Variants in KRTAP12-2 observed in about 807,000 individuals in gnomAD.
The protein encoded by KRTAP12-2 is keratin associated protein 12-2, also known as keratin-associated protein 12-2.
For missense variants in KRTAP12-2, 166 were observed against 184.2 expected, an observed-to-expected ratio of 0.90 and a Z score of 0.57; for synonymous variants, 73 against 83.9, an observed-to-expected ratio of 0.87 and a Z score of 0.71.
rs782182133 is a variant in KRTAP12-2, at chr21:44,666,461, G to A, written c.426C>T (p.Ile142=). 6 of 1,587,188 alleles carry A rather than the reference G, an allele frequency of 3.8e-6. No individual in the cohort carries two copies. The Admixed American group carries it at 1.0e-4, about 27-fold the overall frequency. The change falls in exon 1 of 1, where the codon ATC becomes ATT. Residue 142 remains isoleucine, a synonymous_variant. Transcript: ENST00000360770. ...AGATTCATGCTCAGCAGCAGGAAGA[G>A]ATACTGTAGGAGATGGGTCTGCAGA... The part of the protein sequence containing the change: ...SVLCRPISYS[I]SSCC
At position 44,666,588 on chromosome 21, in the gene KRTAP12-2, C is replaced by A. The variant is rs375768219; in HGVS notation, c.299G>T (p.Cys100Phe). Residue 100 changes from cysteine to phenylalanine, a missense_variant, in exon 1 of 1, where the codon TGC becomes TTC. By Grantham distance (205) the Cys-to-Phe change is radical. Coordinates refer to ENST00000360770, the MANE Select transcript of KRTAP12-2 (RefSeq NM_181684.3). ...CRPIVCAAPS[C>F]QSSLCVPVSC... The stretch of plus-strand genomic sequence containing the variant: ...CACAGGCACGCACAGGGAGGACTGG[C>A]AGGAGGGGGCTGCACACACAATGGG... 6.2e-7 allele frequency: 1 copy of A among 1,612,714 alleles called. No individual in the cohort carries two copies. The highest frequency in any genetic ancestry group is 1.3e-5 in the African/African-American group (1 of 74,842).
Position 44,666,266 on chromosome 21 carries a change from TG to T in KRTAP12-2, c.*179del. 1 of 760,196 alleles carries T rather than the reference TG, an allele frequency of 1.3e-6. No individual in the cohort carries two copies. The allele number at this position is 760,196 out of a possible 1,614,324, so 47.1% of individuals were successfully genotyped here. A position where few individuals can be genotyped will look rare whatever the true frequency, so the allele number is the denominator to read the frequency against. On this transcript the variant is annotated 3_prime_UTR_variant, in exon 1 of 1. Coordinates refer to ENST00000360770, the MANE Select transcript of KRTAP12-2 (RefSeq NM_181684.3). ...GGGACCCCAGACTTCCCTGGGGGGA[TG>T]GGCAAGGTCAGCAAGGGCTCCAGAT...
At position 44,666,326 on chromosome 21, in the gene KRTAP12-2, G is replaced by C; in HGVS notation, c.*120C>G. 8.5e-7 allele frequency: 1 copy of C among 1,176,036 alleles called. No individual in the cohort carries two copies. Among genetic ancestry groups the C allele is most frequent in the Admixed American group, 2.4e-5 (1 of 42,488 alleles). 72.9% of individuals were successfully genotyped at this position (1,176,036 alleles called of 1,614,324 possible). The stretch of plus-strand genomic sequence containing the variant: ...CACATTCTCAATCCAGAATTCAGAG[G>C]GTTCAACTGAGCATGCTTTTCACCT... On this transcript the variant is annotated 3_prime_UTR_variant, in exon 1 of 1. Transcript: ENST00000360770.
Position 44,666,898 on chromosome 21 carries a change from G to C in KRTAP12-2, c.-12C>G. The C allele has an allele frequency of 6.2e-7, 1 of 1,611,978 alleles. No homozygotes were observed. Among genetic ancestry groups the C allele is most frequent in the Non-Finnish European group, 8.5e-7 (1 of 1,178,652 alleles). On this transcript the variant is annotated 5_prime_UTR_variant, in exon 1 of 1. Transcript: ENST00000360770. ...CTGGTATGACACATGGTGGCGTGTG[G>C]CTGGATAAGGTCGAGGCAGAGGGCA...
rs782355775 is a variant in KRTAP12-2 at position 44,666,577 on chromosome 21, G to C, written c.310C>G (p.Leu104Val). Residue 104 changes from leucine to valine, a missense_variant, in exon 1 of 1, where the codon CTG (leucine) becomes GTG (valine). Coordinates refer to ENST00000360770, the MANE Select transcript of KRTAP12-2 (RefSeq NM_181684.3). ...GGCCTGCAGCTCACAGGCACGCACA[G>C]GGAGGACTGGCAGGAGGGGGCTGCA... ...VCAAPSCQSS[L>V]CVPVSCRPVV... The C allele has an allele frequency of 1.9e-6, 3 of 1,601,638 alleles. No homozygotes were observed. Among genetic ancestry groups the C allele is most frequent in the Non-Finnish European group, 2.6e-6 (3 of 1,170,618 alleles).
the KRTAP12-2 span, chr21:44,666,792 GC>G: frequency 6.2e-7 from 1 of 1,611,992 alleles, no homozygotes; most frequent in Admixed American, 1.7e-5. Context: ...ACAGCAGGAT[GC>G]CTGGCAGGAG....
Position 44,666,252 on chromosome 21 carries a change from C to T in KRTAP12-2, c.*194G>A. On this transcript the variant is annotated 3_prime_UTR_variant, in exon 1 of 1. Transcript: ENST00000360770. ...CAGAGAATGACTCTGGGACCCCAGA[C>T]TTCCCTGGGGGGATGGGCAAGGTCA... 3.0e-6 allele frequency: 2 copies of T among 664,990 alleles called. No homozygotes were observed. The highest frequency in any genetic ancestry group is 2.8e-5 in the East Asian group (1 of 35,478). 41.2% of individuals were successfully genotyped at this position (664,990 alleles called of 1,614,324 possible). A position where few individuals can be genotyped will look rare whatever the true frequency, so the allele number is the denominator to read the frequency against.
rs200595125 is a variant in KRTAP12-2 at position 44,666,819 on chromosome 21, G to C, written c.68C>G (p.Ala23Gly). The change falls in exon 1 of 1, where the codon GCC becomes GGC. Residue 23 changes from alanine (A) to glycine (G), a missense_variant. Ala to Gly is a moderately conservative substitution (Grantham distance 60). Coordinates refer to ENST00000360770, the MANE Select transcript of KRTAP12-2 (RefSeq NM_181684.3). ...ACCAPSPCQP[A>G]CCVPSSCQAS... ...CTGGCAGGAGCTGGGCACACAACAG[G>C]CTGGCTGGCAGGGGCTGGGCGCGCA... 2 of 1,609,628 alleles carry C rather than the reference G, an allele frequency of 1.2e-6. No individual in the cohort carries two copies. The highest frequency in any genetic ancestry group is 2.7e-5 in the African/African-American group (2 of 74,936).
At position 44,666,440 on chromosome 21, in the gene KRTAP12-2, T is replaced by C; in HGVS notation, c.*6A>G. ...CACTGGGAGCAGCGGGTCTGGAGAT[T>C]CATGCTCAGCAGCAGGAAGAGATAC... is the stretch of plus-strand genomic sequence containing the variant. On this transcript the variant is annotated 3_prime_UTR_variant, in exon 1 of 1. Coordinates refer to ENST00000360770, the MANE Select transcript of KRTAP12-2 (RefSeq NM_181684.3). The C allele has an allele frequency of 6.4e-7, 1 of 1,571,208 alleles. No homozygotes were observed. The highest frequency in any genetic ancestry group is 8.6e-7 in the Non-Finnish European group (1 of 1,156,656).
In KRTAP12-2 at chr21:44,666,792, G is replaced by A. The variant is rs781834499; in HGVS notation, c.95C>T (p.Ala32Val). ...PACCVPSSCQ[A>V]SCCVPVGCQS... ...GCAGCCCACAGGCACACAGCAGGATGCCTGGCAGGAGCTGGGCACACAACA... is the reference window on the plus strand; with the variant it reads ...GCAGCCCACAGGCACACAGCAGGATACCTGGCAGGAGCTGGGCACACAACA... The change falls in exon 1 of 1, where the codon GCA becomes GTA. Residue 32 changes from alanine (A) to valine (V), a missense_variant. By Grantham distance (64) the Ala-to-Val change is moderately conservative. Coordinates refer to ENST00000360770, the MANE Select transcript of KRTAP12-2 (RefSeq NM_181684.3). 2 of 1,611,992 alleles carry A rather than the reference G, an allele frequency of 1.2e-6. No individual in the cohort carries two copies. The highest frequency in any genetic ancestry group is 1.7e-5 in the Admixed American group (1 of 59,882).
Position 44,666,213 on chromosome 21 carries a change from G to A in KRTAP12-2, c.*233C>T, listed in dbSNP as rs587698717. On this transcript the variant is annotated 3_prime_UTR_variant, in exon 1 of 1. Transcript: ENST00000360770. ...CTGCATGGGGAAAGCTGGTTTATTT[G>A]GCTCTCATGGGGTCAGAGAATGACT... 10 of 514,864 alleles carry A rather than the reference G, an allele frequency of 1.9e-5. No homozygotes were observed. The South Asian group carries it at 2.8e-4, about 15-fold the overall frequency. 31.9% of individuals were successfully genotyped at this position (514,864 alleles called of 1,614,324 possible).
At position 44,666,818 on chromosome 21, in the gene KRTAP12-2, G is replaced by C. The variant is rs370193293; in HGVS notation, c.69C>G (p.Ala23=). 75 of 1,609,618 alleles carry C rather than the reference G, an allele frequency of 4.7e-5. No homozygotes were observed. In the South Asian group the frequency reaches 4.9e-4, roughly 10 times the overall value. The stretch of plus-strand genomic sequence containing the variant: ...CCTGGCAGGAGCTGGGCACACAACA[G>C]GCTGGCTGGCAGGGGCTGGGCGCGC... ...ACCAPSPCQP[A]CCVPSSCQAS... Residue 23 remains alanine (A), a synonymous_variant, in exon 1 of 1, where the codon GCC becomes GCG. Coordinates refer to ENST00000360770, the MANE Select transcript of KRTAP12-2 (RefSeq NM_181684.3).
In KRTAP12-2 at chr21:44,666,582, G is replaced by A. The variant is rs1356011456; in HGVS notation, c.305C>T (p.Ser102Phe). The A allele has an allele frequency of 6.2e-7, 1 of 1,612,574 alleles. No homozygotes were observed. The highest frequency in any genetic ancestry group is 8.5e-7 in the Non-Finnish European group (1 of 1,178,834). ...GCAGCTCACAGGCACGCACAGGGAG[G>A]ACTGGCAGGAGGGGGCTGCACACAC... is the stretch of plus-strand genomic sequence containing the variant. ...PIVCAAPSCQ[S>F]SLCVPVSCRP... is the part of the protein sequence containing the mutation. Residue 102 changes from serine to phenylalanine, a missense_variant, in exon 1 of 1, where the codon TCC (serine) becomes TTC (phenylalanine). Coordinates refer to ENST00000360770, the MANE Select transcript of KRTAP12-2 (RefSeq NM_181684.3).
chr21:44,666,746 G>A lies in KRTAP12-2; in HGVS notation c.141C>T (p.Pro47=), dbSNP rs369634827. 1.6e-4 allele frequency: 258 copies of A among 1,613,694 alleles called. No homozygotes were observed. The highest frequency in any genetic ancestry group is 2.1e-4 in the Non-Finnish European group (249 of 1,179,880). ...GGCACACGGCTGGCTTGAAGCTCAC[G>A]GGCACACACACGGAGGACTGGCAGC... is the stretch of plus-strand genomic sequence containing the variant. The part of the protein sequence containing the change: ...PVGCQSSVCV[P]VSFKPAVCLP... The change falls in exon 1 of 1, where the codon CCC becomes CCT. Residue 47 remains proline, a synonymous_variant. Coordinates refer to ENST00000360770, the MANE Select transcript of KRTAP12-2 (RefSeq NM_181684.3).
rs1985782746 is a variant in KRTAP12-2 at position 44,666,639 on chromosome 21, G to C, written c.248C>G (p.Ser83Cys). 1 of 1,613,370 alleles carries C rather than the reference G, an allele frequency of 6.2e-7. No homozygotes were observed. Among genetic ancestry groups the C allele is most frequent in the Admixed American group, 1.7e-5 (1 of 60,010 alleles). ...AVCVPVSCQS[S>C]VCVPVSCRPI... ...CCTGCAGCTCACAGGCACACACACA[G>C]AAGACTGGCAGCTCACGGGCACGCA... Residue 83 changes from serine (S) to cysteine (C), a missense_variant, in exon 1 of 1, where the codon TCT becomes TGT. Coordinates refer to ENST00000360770, the MANE Select transcript of KRTAP12-2 (RefSeq NM_181684.3).
In KRTAP12-2 at chr21:44,666,774, A is replaced by G. The variant is rs1449038515; in HGVS notation, c.113T>C (p.Val38Ala). The change falls in exon 1 of 1, where the codon GTG becomes GCG. Residue 38 changes from valine (V) to alanine (A), a missense_variant. Transcript: ENST00000360770. ...SSCQASCCVP[V>A]GCQSSVCVPV... ...CACACACACGGAGGACTGGCAGCCC[A>G]CAGGCACACAGCAGGATGCCTGGCA... The G allele has an allele frequency of 5.0e-6, 8 of 1,612,102 alleles. No homozygotes were observed. In the Admixed American group the frequency reaches 1.0e-4, roughly 20 times the overall value.
Position 44,666,810 on chromosome 21 carries a change from A to G in KRTAP12-2, c.77T>C (p.Val26Ala), listed in dbSNP as rs781960670. 1 of 1,611,734 alleles carries G rather than the reference A, an allele frequency of 6.2e-7. No homozygotes were observed. The highest frequency in any genetic ancestry group is 2.2e-5 in the East Asian group (1 of 44,828). ...GCAGGATGCCTGGCAGGAGCTGGGC[A>G]CACAACAGGCTGGCTGGCAGGGGCT... ...APSPCQPACC[V>A]PSSCQASCCV... The change falls in exon 1 of 1, where the codon GTG (valine) becomes GCG (alanine). Residue 26 changes from valine (V) to alanine (A), a missense_variant. Val to Ala is a moderately conservative substitution (Grantham distance 64). Transcript: ENST00000360770.
In KRTAP12-2 at chr21:44,666,799, A is replaced by C. The variant is rs782563819; in HGVS notation, c.88T>G (p.Cys30Gly). Residue 30 changes from cysteine to glycine, a missense_variant, in exon 1 of 1, where the codon TGC (cysteine) becomes GGC (glycine). By Grantham distance (159) the Cys-to-Gly change is radical. Coordinates refer to ENST00000360770, the MANE Select transcript of KRTAP12-2 (RefSeq NM_181684.3). ...CQPACCVPSSCQASCCVPVGC... is the reference protein window; with the variant it reads ...CQPACCVPSSGQASCCVPVGC... ...ACAGGCACACAGCAGGATGCCTGGC[A>C]GGAGCTGGGCACACAACAGGCTGGC... The C allele has an allele frequency of 1.6e-5, 25 of 1,611,550 alleles. No homozygotes were observed. The highest frequency in any genetic ancestry group is 2.0e-5 in the Non-Finnish European group (24 of 1,178,406).
rs782045446 is a variant in KRTAP12-2 at position 44,666,775 on chromosome 21, C to A, written c.112G>T (p.Val38Leu). 3 of 1,612,220 alleles carry A rather than the reference C, an allele frequency of 1.9e-6. No homozygotes were observed. Among genetic ancestry groups the A allele is most frequent in the Non-Finnish European group, 2.5e-6 (3 of 1,178,710 alleles). Residue 38 changes from valine (V) to leucine (L), a missense_variant, in exon 1 of 1, where the codon GTG (valine) becomes TTG (leucine). By Grantham distance (32) the Val-to-Leu change is conservative. Coordinates refer to ENST00000360770, the MANE Select transcript of KRTAP12-2 (RefSeq NM_181684.3). ...ACACACACGGAGGACTGGCAGCCCA[C>A]AGGCACACAGCAGGATGCCTGGCAG... ...SSCQASCCVP[V>L]GCQSSVCVPV...
Sources: gnomAD v4.1 joint callset for allele counts on GRCh38, gnomAD v4.1.1 for gene constraint, MANE v1.5 for transcripts, NCBI Gene and HGNC (gene_info 2026-07-23, HGNC 2026-07-21) for gene names.